AAAS: variants seen among roughly 807,000 people sequenced by gnomAD.
The protein encoded by AAAS is aladin WD repeat nucleoporin, also known as aladin.
AAAS carries 60 observed loss-of-function variants against 75.6 expected under a neutral mutation model. The ratio of observed to expected loss-of-function variants is 0.79; its 90% CI spans 0.64 to 0.98. AAAS has a LOEUF of 0.98. Among genes scored for constraint, AAAS ranks in the 50% least tolerant of loss-of-function variants. The pLI, the probability that AAAS is intolerant of heterozygous loss-of-function variation, is 0.00. For synonymous variants in AAAS, 271 were observed against 265.0 expected, an observed-to-expected ratio of 1.02 and a Z score of -0.22; for missense variants, 658 against 686.9, an observed-to-expected ratio of 0.96 and a Z score of 0.47.
rs143653150 is a variant in AAAS at position 53,312,046 on chromosome 12, G to A, written c.689+2252C>T. On this transcript the variant is annotated intron_variant, in intron 7 of 15. Coordinates refer to ENST00000209873, the MANE Select transcript of AAAS (RefSeq NM_015665.6). ...CCTGCAACAAAAAAAAGGGAGGACAGGCCGGGCATGGTGGCTCACGCCTGT... is the reference window on the plus strand; with the variant it reads ...CCTGCAACAAAAAAAAGGGAGGACAAGCCGGGCATGGTGGCTCACGCCTGT... 1.1e-4 allele frequency among the ~76,000 whole-genome samples: 17 copies of A among 152,244 alleles called. 1 individual carries two copies. In the East Asian group the frequency reaches 3.3e-3, roughly 29 times the overall value.
At chr12:53,315,298 AGCAAAT>A (rs1457879333) in intron 4 of AAAS, 31 bp downstream of exon 4, 1 of 1,610,196 alleles carries the variant, frequency 6.2e-7, no homozygotes, top group Admixed American at 1.7e-5. Flanking sequence ...ATGGGGACAC[AGCAAAT>A]GCAGAGGGCT....
At chr12:53,310,197 A>G (rs1426197621) in intron 7 of AAAS, among the ~76,000 whole-genome samples, 4 of 152,176 alleles carry the variant, frequency 2.6e-5, no homozygotes, top group Non-Finnish European at 5.9e-5. Flanking sequence ...GTGCTCCCAA[A>G]CAGCCCTCCT....
chr12:53,309,130 C>A (rs756135188), intron 9 of AAAS, 27 bp downstream of exon 9: 1 of 1,614,050 alleles, frequency 6.2e-7, no homozygotes, highest in African/African-American at 1.3e-5. Flanking sequence ...TAGGTCCTTG[C>A]CCTCCCTCCA....
Position 53,308,709 on chromosome 12 carries a change from T to C in AAAS, c.1087+16A>G. ...CCTCTGACCACCCCAAATACTGAAG[T>C]GTTGCCCTAACTCACCACAACGTTC... is the stretch of plus-strand genomic sequence containing the variant. On this transcript the variant is annotated intron_variant, in intron 11 of 15. Coordinates refer to ENST00000209873, the MANE Select transcript of AAAS (RefSeq NM_015665.6). 1 of 1,613,890 alleles carries C rather than the reference T, an allele frequency of 6.2e-7. No homozygotes were observed. The highest frequency in any genetic ancestry group is 8.5e-7 in the Non-Finnish European group (1 of 1,179,876).
In AAAS at chr12:53,311,732, T is replaced by C. The variant is rs569172125; in HGVS notation, c.690-2011A>G. On this transcript the variant is annotated intron_variant, in intron 7 of 15. Transcript: ENST00000209873. ...GAGTTTGAGACCAGCCTGGCCAATATGGTGAAACCCCTGTCTCTACTAAAA... is the reference window on the plus strand; with the variant it reads ...GAGTTTGAGACCAGCCTGGCCAATACGGTGAAACCCCTGTCTCTACTAAAA... Among the ~76,000 whole-genome samples, 9 of 152,192 alleles carry C rather than the reference T, an allele frequency of 5.9e-5. No individual in the cohort carries two copies. The South Asian group carries it at 1.9e-3, about 32-fold the overall frequency.
chr12:53,318,223 A>AGTGTGTGT (rs71443291), intron 2 of AAAS, among the ~76,000 whole-genome samples: 52,536 of 136,600 alleles, frequency 0.38, 11,180 homozygotes, highest in Non-Finnish European at 0.49. Flanking sequence ...ATGGGGTTTC[A>AGTGTGTGT]GTGTGTGTGT....
intron 7 of AAAS, among the ~76,000 whole-genome samples, chr12:53,310,027 T>C (rs1944362140): frequency 6.6e-6 from 1 of 152,236 alleles, no homozygotes; most frequent in Admixed American, 6.5e-5. Flanking sequence ...TAGAAGGTAC[T>C]GCCCCTGGGG....
At chr12:53,316,311 G>A (rs1285124111) in intron 2 of AAAS, among the ~76,000 whole-genome samples, 2 of 151,732 alleles carry the variant, frequency 1.3e-5, no homozygotes, top group Non-Finnish European at 2.9e-5. Context: ...TTAGCCAGGT[G>A]TGGTGGTGCG....
At position 53,307,931 on chromosome 12, in the gene AAAS, T is replaced by A. The variant is rs1565776390; in HGVS notation, c.1332-2A>T. 6.2e-7 allele frequency: 1 copy of A among 1,614,110 alleles called. No individual in the cohort carries two copies. The highest frequency in any genetic ancestry group is 8.5e-7 in the Non-Finnish European group (1 of 1,179,992). ...CCTGGCTCCCCCTGGATAATGCCAC[T>A]AGAAGAAAAGGTGAGCAGGCAACCG... On this transcript the variant is annotated splice_acceptor_variant, in intron 14 of 15. Transcript: ENST00000209873. LOFTEE classifies it high-confidence loss of function.
Position 53,307,725 on chromosome 12 carries a change from G to A in AAAS, c.1417-12C>T, listed in dbSNP as rs1277167585. 6.2e-7 allele frequency: 1 copy of A among 1,613,882 alleles called. No homozygotes were observed. Among genetic ancestry groups the A allele is most frequent in the Non-Finnish European group, 8.5e-7 (1 of 1,179,980 alleles). ...CCTGTGGACCAGCCCTGCAGAGAAG[G>A]GAAAGAAAAGGATCAGAGTCTGGGC... On this transcript the variant is annotated splice_polypyrimidine_tract_variant and intron_variant, in intron 15 of 15. Transcript: ENST00000209873.
In AAAS at chr12:53,315,390, A is replaced by G; in HGVS notation, c.344T>C (p.Leu115Pro). Residue 115 changes from leucine to proline, a missense_variant, in exon 4 of 16, where the codon CTG becomes CCG. Coordinates refer to ENST00000209873, the MANE Select transcript of AAAS (RefSeq NM_015665.6). ...EWVKTASGWA[L>P]ALCRWASSLH... ...GGAAGAGGCCCATCGACAGAGTGCC[A>G]GGGCCCAGCCGGATGCCGTCTTCAC... 1 of 1,613,986 alleles carries G rather than the reference A, an allele frequency of 6.2e-7. No individual in the cohort carries two copies. The highest frequency in any genetic ancestry group is 8.5e-7 in the Non-Finnish European group (1 of 1,180,038).
chr12:53,319,366 T>C (rs1944516243), intron 2 of AAAS, among the ~76,000 whole-genome samples: 1 of 152,126 alleles, frequency 6.6e-6, no homozygotes, highest in Non-Finnish European at 1.5e-5. Context: ...ATTTTTGTAC[T>C]TTTCTTGTAG....
chr12:53,317,434 G>A lies in AAAS; in HGVS notation c.252-1652C>T, dbSNP rs568379973. 5.3e-5 allele frequency among the ~76,000 whole-genome samples: 8 copies of A among 152,196 alleles called. No homozygotes were observed. The South Asian group carries it at 6.2e-4, about 12-fold the overall frequency. ...TAGCCAGGTGTGGTGGTGGGCGCCT[G>A]TAGTCCCAGCTACTCGGGAGGCTGA... On this transcript the variant is annotated intron_variant, in intron 2 of 15. Coordinates refer to ENST00000209873, the MANE Select transcript of AAAS (RefSeq NM_015665.6).
At chr12:53,315,677 G>C (rs772586735) in intron 3 of AAAS, 50 bp downstream of exon 3, 1 of 1,598,882 alleles carries the variant, frequency 6.3e-7, no homozygotes, top group African/African-American at 1.3e-5. Context: ...CAAGAATATG[G>C]AGAGGAGATA....
intron 14 of AAAS, 60 bp from the exon 15 acceptor site, chr12:53,307,989 T>A: frequency 6.2e-7 from 1 of 1,612,566 alleles, no homozygotes; most frequent in Non-Finnish European, 8.5e-7. Context: ...TAGTGGGATG[T>A]GGGTTTGTTT....
At chr12:53,321,244 G>C in intron 1 of AAAS, 99 bp downstream of exon 1, 8 of 1,545,706 alleles carry the variant, frequency 5.2e-6, no homozygotes, top group Non-Finnish European at 7.0e-6. Context: ...CACTCCGCCA[G>C]ACTCTGTGAC....
chr12:53,314,726 GC>G (rs772471281), intron 6 of AAAS, 24 bp downstream of exon 6: 9 of 1,605,564 alleles, frequency 5.6e-6, no homozygotes, highest in Non-Finnish European at 7.7e-6. Flanking sequence ...ACAAGTCAGA[GC>G]CCACCTGGTG....
chr12:53,318,814 G>T (rs1028297962), intron 2 of AAAS, among the ~76,000 whole-genome samples: 27 of 152,136 alleles, frequency 1.8e-4, no homozygotes, highest in Non-Finnish European at 3.7e-4. Flanking sequence ...TGCATCAACT[G>T]GAAATCTAGC....
intron 1 of AAAS, chr12:53,321,016 A>G (rs1231300442): frequency 3.7e-6 from 2 of 538,144 alleles, no homozygotes; most frequent in Non-Finnish European, 6.6e-6. Context: ...ACACCATGGA[A>G]AAAAGTTCCA....
Sources: allele counts gnomAD v4.1 joint callset (sites outside exome capture counted in the v4.1 genomes callset), GRCh38; gene constraint gnomAD v4.1.1; transcripts MANE v1.5; gene names NCBI Gene and HGNC (gene_info 2026-07-23, HGNC 2026-07-21).